The following GARS1 variants were observed in gnomAD, a reference collection of about 807,000 sequenced individuals.
GARS1 encodes glycyl-tRNA synthetase 1.
In GARS1, 46 loss-of-function variants were observed where a neutral mutation model predicts 86.4. The observed-to-expected ratio is 0.53, with a 90% CI of 0.42 to 0.68. GARS1 has a LOEUF of 0.68. Ranked by LOEUF, GARS1 falls within the 30% of genes least tolerant of loss-of-function variation. The pLI is 0.00. For synonymous variants in GARS1, 342 were observed against 329.8 expected, an observed-to-expected ratio of 1.04 and a Z score of -0.40; for missense variants, 797 against 915.6, an observed-to-expected ratio of 0.87 and a Z score of 1.67.
intron 11 of GARS1, chr7:30,621,741 C>G (rs2128135125): frequency 1.7e-6 from 1 of 579,184 alleles, no homozygotes; most frequent in Non-Finnish European, 3.1e-6. Flanking sequence ...GAAAAATGCT[C>G]TGAATATCTT....
intron 13 of GARS1, 137 bp downstream of exon 13, chr7:30,626,456 C>T (rs528879422): frequency 6.5e-5 from 43 of 662,402 alleles, no homozygotes; most frequent in Non-Finnish European, 1.0e-4. Context: ...AGCGTTCCTC[C>T]CTCCTGTCTC....
intron 9 of GARS1, among the ~76,000 whole-genome samples, chr7:30,616,903 A>G (rs766225022): frequency 3.3e-5 from 5 of 152,212 alleles, no homozygotes; most frequent in Non-Finnish European, 7.3e-5. Flanking sequence ...GAATAACTCC[A>G]TTATCATCAT....
At chr7:30,599,900 T>TTCC in intron 2 of GARS1, 47 bp from the exon 3 acceptor site, 3 of 1,198,664 alleles carry the variant, frequency 2.5e-6, no homozygotes, top group Non-Finnish European at 2.5e-6. Context: ...AAGTTCAGAT[T>TTCC]CCCACCCACC....
At chr7:30,615,535 T>A (rs1782874703) in intron 8 of GARS1, among the ~76,000 whole-genome samples, 1 of 152,240 alleles carries the variant, frequency 6.6e-6, no homozygotes, top group Admixed American at 6.5e-5. Flanking sequence ...AAAGTAATAA[T>A]CTTTTTGGAT....
In GARS1 at chr7:30,599,080, A is replaced by G. The variant is rs559827812; in HGVS notation, c.324+183A>G. Among the ~76,000 whole-genome samples the G allele has an allele frequency of 2.6e-5, 4 of 152,236 alleles. No individual in the cohort carries two copies. In the East Asian group the frequency reaches 7.7e-4, roughly 29 times the overall value. The stretch of plus-strand genomic sequence containing the variant: ...AGACTCCTCATCCTTTCAAAATGCA[A>G]CTCAAAATGTCAACTTTTTAATAAA... On this transcript the variant is annotated intron_variant, in intron 2 of 16. Coordinates refer to ENST00000389266, the MANE Select transcript of GARS1 (RefSeq NM_002047.4).
chr7:30,613,513 G>A (rs1782821158), intron 8 of GARS1, among the ~76,000 whole-genome samples: 1 of 152,242 alleles, frequency 6.6e-6, no homozygotes, highest in Non-Finnish European at 1.5e-5. Flanking sequence ...GTTACGAAGA[G>A]GGTTTACACA....
Position 30,632,017 on chromosome 7 carries a change from C to T in GARS1, c.1904-230C>T, listed in dbSNP as rs552166404. The T allele has an allele frequency of 1.9e-6, 1 of 530,322 alleles. No homozygotes were observed. The highest frequency in any genetic ancestry group is 3.4e-6 in the Non-Finnish European group (1 of 295,834). 32.9% of individuals were successfully genotyped at this position (530,322 alleles called of 1,614,324 possible). A position where few individuals can be genotyped will look rare whatever the true frequency, so the allele number is the denominator to read the frequency against. ...CACCTTCTGGCCTTGGCTCTTGGTC[C>T]CATATTTGTTCCCCCTATAGCTGTA... On this transcript the variant is annotated intron_variant, in intron 15 of 16. Transcript: ENST00000389266. This position sits in a 1 kb window ranked among gnomAD's most constrained non-coding sequence, Gnocchi z 4.1.
chr7:30,621,551 G>T (rs747941251), intron 11 of GARS1, 51 bp downstream of exon 11: 1 of 1,285,116 alleles, frequency 7.8e-7, no homozygotes, highest in South Asian at 1.2e-5. Context: ...TGAACATCTT[G>T]CTAATGAATA....
intron 13 of GARS1, among the ~76,000 whole-genome samples, chr7:30,628,076 A>G (rs1326763227): frequency 1.3e-5 from 2 of 152,210 alleles, no homozygotes; most frequent in African/African-American, 4.8e-5. Flanking sequence ...CATGTTTCCT[A>G]TCAGCAAATA....
chr7:30,606,400 G>A (rs1326800893), intron 6 of GARS1, among the ~76,000 whole-genome samples: 1 of 150,296 alleles, frequency 6.7e-6, no homozygotes, highest in Non-Finnish European at 1.5e-5. Flanking sequence ...AAAGAAAGGT[G>A]AGAATAAGTG....
chr7:30,625,263 G>A (rs13228758), intron 12 of GARS1, among the ~76,000 whole-genome samples: 73,608 of 151,996 alleles, frequency 0.48, 21,482 homozygotes, highest in Non-Finnish European at 0.65. Context: ...CTCTTTTATA[G>A]CTGTTAACTA....
At chr7:30,603,716 CT>C (rs909038672) in intron 6 of GARS1, 144 bp downstream of exon 6, 133 of 676,662 alleles carry the variant, frequency 2.0e-4, no homozygotes, top group African/African-American at 1.7e-3. Context: ...TATAGCGTCT[CT>C]TTTTTTGCAT....
chr7:30,604,577 A>G (rs1791445932), intron 6 of GARS1, among the ~76,000 whole-genome samples: 1 of 152,142 alleles, frequency 6.6e-6, no homozygotes, highest in Admixed American at 6.5e-5. Flanking sequence ...CATAGCTAAA[A>G]TAATTTCTCC....
intron 10 of GARS1, among the ~76,000 whole-genome samples, chr7:30,619,053 T>C (rs1223581307): frequency 1.3e-5 from 2 of 152,252 alleles, no homozygotes; most frequent in African/African-American, 4.8e-5. Flanking sequence ...TAGTTTGCTC[T>C]GATTCTGATT....
chr7:30,611,974 C>G, intron 7 of GARS1, 122 bp from the exon 8 acceptor site: 3 of 870,296 alleles, frequency 3.4e-6, no homozygotes, highest in Non-Finnish European at 5.8e-6. Flanking sequence ...ATTTTAGGGC[C>G]TGTTCAACTT....
In GARS1 at chr7:30,612,249, C is replaced by A. The variant is rs1782771622; in HGVS notation, c.1031+4C>A. ...GATCTGGACTGATCAGAGTCAGGTA[C>A]TGCTCAGGTTACTCTTACAAATTAG... On this transcript the variant is annotated splice_donor_region_variant and intron_variant, in intron 8 of 16. Transcript: ENST00000389266. The A allele has an allele frequency of 2.5e-6, 4 of 1,613,676 alleles. No individual in the cohort carries two copies. The highest frequency in any genetic ancestry group is 3.4e-6 in the Non-Finnish European group (4 of 1,179,584).
Position 30,595,093 on chromosome 7 carries a change from G to C in GARS1, c.172G>C (p.Ala58Pro), listed in dbSNP as rs778104410. The part of the protein sequence containing the change: ...AAASRSSMDG[A>P]GAEEVLAPLR... The stretch of plus-strand genomic sequence containing the variant: ...CGCCTCCCGGAGCAGCATGGACGGC[G>C]CGGGGGCTGAGGAGGTGCTGGCACC... Residue 58 changes from alanine to proline, a missense_variant, in exon 1 of 17, where the codon GCG becomes CCG. Around this residue, in one of 2 missense-constraint regions of GARS1, gnomAD observed 199 missense variants for 176.9 expected, o/e 1.12. Transcript: ENST00000389266. The C allele has an allele frequency of 1.3e-6, 2 of 1,543,904 alleles. No individual in the cohort carries two copies. Among genetic ancestry groups the C allele is most frequent in the South Asian group, 2.4e-5 (2 of 84,802 alleles).
chr7:30,598,724 C>A, intron 1 of GARS1, 72 bp from the exon 2 acceptor site: 1 of 1,313,792 alleles, frequency 7.6e-7, no homozygotes, highest in Non-Finnish European at 1.1e-6. Flanking sequence ...AAAAGGCACG[C>A]TTAAAAACAC....
rs971063119 is a variant in GARS1 at position 30,631,555 on chromosome 7, A to G, written c.1903+14A>G. The G allele has an allele frequency of 5.7e-6, 9 of 1,565,698 alleles. No individual in the cohort carries two copies. The African/African-American group carries it at 8.1e-5, about 14-fold the overall frequency. ...TCAAGGAATTATGTAAGCAAATTCA[A>G]TTGGGTAAACTCCATGGGAACACCA... is the stretch of plus-strand genomic sequence containing the variant. On this transcript the variant is annotated intron_variant, in intron 15 of 16. Transcript: ENST00000389266.
Sources: allele counts gnomAD v4.1 joint callset (sites outside exome capture counted in the v4.1 genomes callset), GRCh38; gene constraint gnomAD v4.1.1; regional missense constraint gnomAD v4.1.1; non-coding constraint Gnocchi (gnomAD v3.1); transcripts MANE v1.5; gene names NCBI Gene and HGNC (gene_info 2026-07-23, HGNC 2026-07-21).